Variants in DNAJC5 observed in about 807,000 individuals in gnomAD.
The protein encoded by DNAJC5 is dnaJ homolog subfamily C member 5.
Under a neutral mutation model 23.2 loss-of-function variants are expected in DNAJC5, and 1 was observed. The ratio of observed to expected loss-of-function variants is 0.04; its 90% confidence interval spans 0.02 to 0.20. The LOEUF (loss-of-function observed/expected upper bound fraction) is 0.20. Among genes scored for constraint, DNAJC5 ranks in the 10% least tolerant of loss-of-function variants. DNAJC5 has a pLI of 1.00. For missense variants in DNAJC5, 180 were observed against 267.0 expected (o/e 0.67, Z 2.27); for synonymous variants, 136 against 120.0 (o/e 1.13, Z -0.87).
chr20:63,930,537 C>T (rs1370800767), intron 3 of DNAJC5, among the ~76,000 whole-genome samples: 12 of 152,198 alleles, frequency 7.9e-5, no homozygotes, highest in Admixed American at 7.9e-4. Flanking sequence ...TTAGTAGAGA[C>T]AGGGTTTCAC....
Position 63,928,256 on chromosome 20 carries a change from A to G in DNAJC5, c.-11-79A>G, listed in dbSNP as rs902124086. 2.8e-5 allele frequency: 34 copies of G among 1,194,260 alleles called. 1 individual carries two copies. Among genetic ancestry groups the G allele is most frequent in the Non-Finnish European group, 4.0e-5 (33 of 815,852 alleles). The allele number at this position is 1,194,260 out of a possible 1,614,324, so 74.0% of individuals were successfully genotyped here. A position where few individuals can be genotyped will look rare whatever the true frequency, so the allele number is the denominator to read the frequency against. Reference sequence around the variant, plus strand: ...GGATTCTTTTGCTTTGAACGGTCTTATGGAATAAAGTCCATCAGCTCTGCC... The same window carrying G: ...GGATTCTTTTGCTTTGAACGGTCTTGTGGAATAAAGTCCATCAGCTCTGCC... On this transcript the variant is annotated intron_variant, in intron 1 of 4. Transcript: ENST00000360864. This position sits in a 1 kb window ranked among gnomAD's most constrained non-coding sequence, Gnocchi z 4.6.
chr20:63,902,672 C>CTT (rs1220194134), intron 1 of DNAJC5, among the ~76,000 whole-genome samples: 1 of 106,822 alleles, frequency 9.4e-6, no homozygotes, highest in African/African-American at 3.2e-5. Flanking sequence ...CTGGCCTCAT[C>CTT]TTGTTTTTTT....
intron 1 of DNAJC5, 131 bp downstream of exon 1, chr20:63,895,454 G>C (rs901606434): frequency 6.8e-6 from 1 of 147,236 alleles, no homozygotes; most frequent in Non-Finnish European, 1.5e-5. Context: ...GGCCGGGGCT[G>C]CGCGGGCGCT....
intron 1 of DNAJC5, among the ~76,000 whole-genome samples, chr20:63,910,267 G>A (rs1485411827): frequency 6.6e-6 from 1 of 151,844 alleles, no homozygotes; most frequent in African/African-American, 2.4e-5. Flanking sequence ...TGCGCTGGCC[G>A]GGCGCGGTGG....
At chr20:63,918,600 TTTG>T (rs757561028) in intron 1 of DNAJC5, among the ~76,000 whole-genome samples, 10 of 152,224 alleles carry the variant, frequency 6.6e-5, no homozygotes, top group Non-Finnish European at 1.3e-4. Context: ...CCATATATTT[TTTG>T]TTGTTTTTTT....
At chr20:63,896,272 C>T (rs1200641470) in intron 1 of DNAJC5, among the ~76,000 whole-genome samples, 4 of 152,060 alleles carry the variant, frequency 2.6e-5, no homozygotes, top group African/African-American at 9.7e-5. Context: ...AAAATGTCAG[C>T]TGAGTTTCAG....
chr20:63,929,348 C>G lies in DNAJC5; in HGVS notation c.144C>G (p.Pro48=), dbSNP rs113987077. 6.2e-7 allele frequency: 1 copy of G among 1,614,038 alleles called. No homozygotes were observed. ...TGAAATATCACCCCGACAAGAACCC[C>G]GACAACCCGGAGGCCGCGGACAAGT... ...LALKYHPDKN[P]DNPEAADKFK... The change falls in exon 3 of 5, where the codon CCC becomes CCG. Residue 48 remains proline (P), a synonymous_variant. Coordinates refer to ENST00000360864, the MANE Select transcript of DNAJC5 (RefSeq NM_025219.3). This position sits in a 1 kb window ranked among gnomAD's most constrained non-coding sequence, Gnocchi z 8.6.
rs927553942 is a variant in DNAJC5 at position 63,928,981 on chromosome 20, C to T, written c.108-331C>T. 3.9e-4 allele frequency among the ~76,000 whole-genome samples: 60 copies of T among 152,352 alleles called. No individual in the cohort carries two copies. The highest frequency in any genetic ancestry group is 6.5e-4 in the Admixed American group (10 of 15,308). The stretch of plus-strand genomic sequence containing the variant: ...TTAAAGTGCCATCATTACGCCCCGC[C>T]GTGCTTACCGTTCACTTGGCACTTG... On this transcript the variant is annotated intron_variant, in intron 2 of 4. Coordinates refer to ENST00000360864, the MANE Select transcript of DNAJC5 (RefSeq NM_025219.3). The surrounding 1 kb of genome is among the most constrained non-coding windows in gnomAD (Gnocchi z 4.6).
At chr20:63,912,281 C>T (rs182948623) in intron 1 of DNAJC5, among the ~76,000 whole-genome samples, 270 of 142,088 alleles carry the variant, frequency 1.9e-3, no homozygotes, top group African/African-American at 6.8e-3. Context: ...CCAGCGTGGG[C>T]GACAGAGTGA....
chr20:63,931,628 C>T lies in DNAJC5; in HGVS notation c.*60C>T. ...CGCCTGGCCACGCCAACCTTAGAAT[C>T]ATGAACTGTAGTCACAGAGATGGGA... is the stretch of plus-strand genomic sequence containing the variant. On this transcript the variant is annotated 3_prime_UTR_variant, in exon 5 of 5. Transcript: ENST00000360864. This position sits in a 1 kb window ranked among gnomAD's most constrained non-coding sequence, Gnocchi z 9.6. The T allele has an allele frequency of 6.8e-7, 1 of 1,473,106 alleles. No individual in the cohort carries two copies. Among genetic ancestry groups the T allele is most frequent in the Non-Finnish European group, 9.2e-7 (1 of 1,088,122 alleles). The allele number at this position is 1,473,106 out of a possible 1,614,324, so 91.3% of individuals were successfully genotyped here. A position where few individuals can be genotyped will look rare whatever the true frequency, so the allele number is the denominator to read the frequency against.
intron 1 of DNAJC5, among the ~76,000 whole-genome samples, chr20:63,916,924 G>T (rs1388754053): frequency 6.6e-6 from 1 of 152,196 alleles, no homozygotes; most frequent in Non-Finnish European, 1.5e-5. Context: ...AGACCTTATG[G>T]TTGTCTTCCC....
intron 1 of DNAJC5, among the ~76,000 whole-genome samples, chr20:63,908,209 A>AG (rs2053459647): frequency 6.6e-6 from 1 of 152,242 alleles, no homozygotes; most frequent in African/African-American, 2.4e-5. Context: ...GTGCTTCACC[A>AG]GGGACAGCCC....
Position 63,929,965 on chromosome 20 carries a change from G to A in DNAJC5, c.321+440G>A, listed in dbSNP as rs114746541. 6.9e-4 allele frequency among the ~76,000 whole-genome samples: 105 copies of A among 152,362 alleles called. No homozygotes were observed. Among genetic ancestry groups the A allele is most frequent in the African/African-American group, 2.3e-3 (96 of 41,584 alleles). On this transcript the variant is annotated intron_variant, in intron 3 of 4. Transcript: ENST00000360864. This position sits in a 1 kb window ranked among gnomAD's most constrained non-coding sequence, Gnocchi z 8.6. ...AGATTGTCCCAGGGAAGAGCCGTGC[G>A]GAGCCGCCAGGGTTTCTTCTGTAAA...
chr20:63,924,143 A>T (rs2053592758), intron 1 of DNAJC5, among the ~76,000 whole-genome samples: 1 of 151,908 alleles, frequency 6.6e-6, no homozygotes, highest in Non-Finnish European at 1.5e-5. Flanking sequence ...TCTTTTTATT[A>T]ATGTTGCTGT....
At chr20:63,911,382 C>T (rs941211499) in intron 1 of DNAJC5, among the ~76,000 whole-genome samples, 2 of 152,136 alleles carry the variant, frequency 1.3e-5, no homozygotes, top group Non-Finnish European at 2.9e-5. Flanking sequence ...GGCAGGCGTT[C>T]GTTTTCTGTG....
chr20:63,922,538 A>G (rs1046087953), intron 1 of DNAJC5, among the ~76,000 whole-genome samples: 1 of 151,862 alleles, frequency 6.6e-6, no homozygotes, highest in Non-Finnish European at 1.5e-5. Context: ...ACCATGACCC[A>G]AGGCAGGAGG....
intron 1 of DNAJC5, among the ~76,000 whole-genome samples, chr20:63,901,861 A>C (rs1317640302): frequency 6.6e-6 from 1 of 152,178 alleles, no homozygotes; most frequent in African/African-American, 2.4e-5. Context: ...AGCTTCTGTC[A>C]TCTCTTGCCA....
chr20:63,918,980 T>A (rs993699465), intron 1 of DNAJC5, among the ~76,000 whole-genome samples: 17 of 152,278 alleles, frequency 1.1e-4, no homozygotes, highest in Non-Finnish European at 2.4e-4. Context: ...CCTTTTAAGA[T>A]GTTTTCATAT....
At chr20:63,901,037 T>G (rs2053408000) in intron 1 of DNAJC5, among the ~76,000 whole-genome samples, 1 of 152,226 alleles carries the variant, frequency 6.6e-6, no homozygotes, top group African/African-American at 2.4e-5. Flanking sequence ...CGATCGTGTC[T>G]CACTGCCGCT....
Sources: gnomAD v4.1 joint callset for allele counts (sites outside exome capture counted in the v4.1 genomes callset) on GRCh38, gnomAD v4.1.1 for gene constraint, Gnocchi (gnomAD v3.1) non-coding constraint, MANE v1.5 for transcripts, NCBI Gene and HGNC (gene_info 2026-07-23, HGNC 2026-07-21) for gene names.